ZBBX: variants seen among roughly 807,000 people sequenced by gnomAD.
ZBBX encodes the protein zinc finger B-box domain-containing protein 1.
A neutral mutation model predicts 108.5 loss-of-function variants in ZBBX; 101 were observed. That is an observed-to-expected ratio of 0.93 (90% CI 0.79 to 1.10). The LOEUF is 1.10. ZBBX is among the 50% of genes least tolerant of loss of function. The pLI is 0.00. For synonymous variants in ZBBX, 356 were observed against 323.4 expected (o/e 1.10, Z -1.08); for missense variants, 1,009 against 941.4 (o/e 1.07, Z -0.94).
intron 9 of ZBBX, among the ~76,000 whole-genome samples, chr3:167,343,824 A>T (rs1740973125): frequency 6.6e-6 from 1 of 151,926 alleles, no homozygotes; most frequent in South Asian, 2.1e-4. Flanking sequence ...TCCTCAAACA[A>T]TTAAAAATGG....
chr3:167,303,005 T>C (rs1368825342), intron 17 of ZBBX, among the ~76,000 whole-genome samples: 1 of 152,198 alleles, frequency 6.6e-6, no homozygotes, highest in Non-Finnish European at 1.5e-5. Context: ...ATTTCAAGGC[T>C]GTTATCTATA....
chr3:167,179,201 T>C, the ZBBX span, among the ~76,000 whole-genome samples: 2 of 152,184 alleles, frequency 1.3e-5, no homozygotes, highest in African/African-American at 2.4e-5. Flanking sequence ...TGAGGGAACA[T>C]GGGTGACACC....
chr3:167,232,798 T>C, the ZBBX span, among the ~76,000 whole-genome samples: 1 of 151,842 alleles, frequency 6.6e-6, no homozygotes, highest in African/African-American at 2.4e-5. Flanking sequence ...CCAATGGCTC[T>C]TTGAGGAGAA....
At chr3:167,191,363 T>A in the ZBBX span, among the ~76,000 whole-genome samples, 1 of 152,194 alleles carries the variant, frequency 6.6e-6, no homozygotes, top group African/African-American at 2.4e-5. Flanking sequence ...CAGGAATTGA[T>A]ATTCTTTTCT....
intron 18 of ZBBX, among the ~76,000 whole-genome samples, chr3:167,291,707 A>G (rs1453785200): frequency 6.6e-6 from 1 of 152,208 alleles, no homozygotes; most frequent in African/African-American, 2.4e-5. Flanking sequence ...ACATAACAAT[A>G]TTAACCTTAA....
At position 167,283,127 on chromosome 3, in the gene ZBBX, G is replaced by A. The variant is rs1729096482; in HGVS notation, c.1997-632C>T. On this transcript the variant is annotated intron_variant, in intron 19 of 21. Coordinates refer to ENST00000675490, the MANE Select transcript of ZBBX (RefSeq NM_001199201.2). ...TTCCAGAAGCACCGATCTAAATTAG[G>A]TTATTACATTGTTCCTCTAGGACAG... Among the ~76,000 whole-genome samples the A allele has an allele frequency of 4.6e-5, 7 of 152,220 alleles. No individual in the cohort carries two copies. The South Asian group carries it at 1.2e-3, about 27-fold the overall frequency.
intron 2 of ZBBX, among the ~76,000 whole-genome samples, chr3:167,374,908 G>A (rs955593759): frequency 6.6e-6 from 1 of 152,180 alleles, no homozygotes; most frequent in African/African-American, 2.4e-5. Context: ...ATAGCTCTTG[G>A]ATAAGGGACT....
At chr3:167,297,463 G>T (rs1399087900) in intron 18 of ZBBX, among the ~76,000 whole-genome samples, 1 of 152,032 alleles carries the variant, frequency 6.6e-6, no homozygotes, top group South Asian at 2.1e-4. Flanking sequence ...CAGGACATTG[G>T]CTTTGGAAAT....
At chr3:167,326,229 C>T (rs1333308171) in intron 11 of ZBBX, among the ~76,000 whole-genome samples, 1 of 152,060 alleles carries the variant, frequency 6.6e-6, no homozygotes, top group Non-Finnish European at 1.5e-5. Flanking sequence ...TTTAGATGGC[C>T]AGTTGCCCAT....
chr3:167,375,320 G>T (rs143332783), intron 2 of ZBBX, among the ~76,000 whole-genome samples: 2 of 152,082 alleles, frequency 1.3e-5, no homozygotes, highest in African/African-American at 4.8e-5. Context: ...GGCTGGACGC[G>T]GTGGCTGACA....
intron 20 of ZBBX, among the ~76,000 whole-genome samples, chr3:167,272,567 A>G (rs1726722741): frequency 6.6e-6 from 1 of 152,156 alleles, no homozygotes; most frequent in Non-Finnish European, 1.5e-5. Flanking sequence ...CTCAAACTAA[A>G]GCTAAGAAAA....
At chr3:167,381,866 A>G (rs1484051966), upstream of ZBBX, among the ~76,000 whole-genome samples, 1 of 152,216 alleles carries the variant, frequency 6.6e-6, no homozygotes, top group East Asian at 1.9e-4. Context: ...GAAGAAAACT[A>G]AAGCCAAATA....
At chr3:167,232,594 G>T in the ZBBX span, among the ~76,000 whole-genome samples, 3 of 151,774 alleles carry the variant, frequency 2.0e-5, no homozygotes, top group Non-Finnish European at 4.4e-5. Flanking sequence ...TTGAGAAAAA[G>T]CACCTGCCAC....
chr3:167,317,736 A>G (rs1411325347), intron 12 of ZBBX, 139 bp from the exon 13 acceptor site: 3 of 520,002 alleles, frequency 5.8e-6, no homozygotes, highest in Non-Finnish European at 1.0e-5. Context: ...TAATTCAAAG[A>G]TAAGTACAAT....
At chr3:167,342,515 A>T (rs926984614) in intron 9 of ZBBX, among the ~76,000 whole-genome samples, 4 of 151,046 alleles carry the variant, frequency 2.6e-5, no homozygotes, top group East Asian at 1.9e-4. Context: ...TAATGCTTTT[A>T]AAAAAACACC....
At chr3:167,229,095 C>T in the ZBBX span, among the ~76,000 whole-genome samples, 4 of 151,784 alleles carry the variant, frequency 2.6e-5, no homozygotes, top group African/African-American at 7.2e-5. Context: ...CAGTATCTTT[C>T]GTCTTCAGTT....
intron 12 of ZBBX, among the ~76,000 whole-genome samples, chr3:167,319,086 C>A (rs889745136): frequency 4.6e-5 from 7 of 151,914 alleles, no homozygotes; most frequent in Admixed American, 2.6e-4. Flanking sequence ...ATATAGCCCA[C>A]CTATCACAGT....
At chr3:167,196,025 T>C in the ZBBX span, among the ~76,000 whole-genome samples, 2 of 152,212 alleles carry the variant, frequency 1.3e-5, no homozygotes, top group Non-Finnish European at 2.9e-5. Flanking sequence ...CTCATCCCAT[T>C]AATTGTTAAA....
chr3:167,301,897 C>A (rs1732744331), intron 17 of ZBBX, among the ~76,000 whole-genome samples: 1 of 141,090 alleles, frequency 7.1e-6, no homozygotes, highest in African/African-American at 2.6e-5. Flanking sequence ...GCGGAGCTTG[C>A]TGTGAGCCAC....
Sources: allele counts gnomAD v4.1 joint callset (sites outside exome capture counted in the v4.1 genomes callset), GRCh38; gene constraint gnomAD v4.1.1; transcripts MANE v1.5; gene names NCBI Gene and HGNC (gene_info 2026-07-23, HGNC 2026-07-21).